ZNF28: variants seen among roughly 807,000 people sequenced by gnomAD.
ZNF28 encodes the protein zinc finger protein 28.
ZNF28 carries 5 observed loss-of-function variants against 7.2 expected under a neutral mutation model. The observed-to-expected ratio is 0.70, with a 90% CI of 0.36 to 1.46. The LOEUF (loss-of-function observed/expected upper bound fraction) is 1.46. Ranked by LOEUF, ZNF28 falls within the 40% of genes most tolerant of loss-of-function variation. The pLI, the probability that ZNF28 is intolerant of heterozygous loss-of-function variation, is 0.03. For synonymous variants in ZNF28, 288 were observed against 292.4 expected (o/e 0.99, Z 0.15); for missense variants, 879 against 866.6 (o/e 1.01, Z -0.18).
chr19:52,812,243 C>T lies in ZNF28; in HGVS notation c.16-4110G>A, dbSNP rs987998195. Among the ~76,000 whole-genome samples the T allele has an allele frequency of 1.5e-4, 21 of 138,148 alleles. 4 individuals are homozygous for T. Among genetic ancestry groups the T allele is most frequent in the East Asian group, 1.4e-3 (7 of 4,846 alleles). 90.6% of individuals were successfully genotyped at this position (138,148 alleles called of 152,430 possible). A position where few individuals can be genotyped will look rare whatever the true frequency, so the allele number is the denominator to read the frequency against. Reference sequence around the variant, plus strand: ...GGAAGTGAGGAGCCCCTCTGCCCGGCCACGACCCCGTCTGGGAGGTGTGCC... The same window carrying T: ...GGAAGTGAGGAGCCCCTCTGCCCGGTCACGACCCCGTCTGGGAGGTGTGCC... On this transcript the variant is annotated intron_variant, in intron 2 of 3. Coordinates refer to ENST00000457749, the MANE Select transcript of ZNF28 (RefSeq NM_006969.5).
chr19:52,821,479 C>A (rs145952654), intron 1 of ZNF28, 107 bp downstream of exon 1: 1 of 152,292 alleles, frequency 6.6e-6, no homozygotes, highest in East Asian at 1.9e-4. Flanking sequence ...TCTGAGTGAA[C>A]GAAGAAAGGG....
In ZNF28 at chr19:52,820,674, G is replaced by A. The variant is rs192317519; in HGVS notation, c.-74+912C>T. On this transcript the variant is annotated intron_variant, in intron 1 of 3. Transcript: ENST00000457749. ...CCCTCCTCCTCTCCCTCACTCTGAT[G>A]AGCCTCCACATTTCTGCCCCTCTCC... is the stretch of plus-strand genomic sequence containing the variant. 4.3e-3 allele frequency among the ~76,000 whole-genome samples: 654 copies of A among 152,184 alleles called. 5 individuals are homozygous for A. Among genetic ancestry groups the A allele is most frequent in the African/African-American group, 0.015 (639 of 41,478 alleles).
At chr19:52,806,447 GC>G (rs1196159019) in intron 3 of ZNF28, among the ~76,000 whole-genome samples, 1 of 152,014 alleles carries the variant, frequency 6.6e-6, no homozygotes, top group Non-Finnish European at 1.5e-5. Context: ...GCCCATCTCA[GC>G]CTCTCAAAGT....
At chr19:52,809,958 G>T in intron 2 of ZNF28, 1 of 817,154 alleles carries the variant, frequency 1.2e-6, no homozygotes, top group Non-Finnish European at 2.1e-6. Flanking sequence ...GGGCGCAGGG[G>T]ACGATGGGAA....
At chr19:52,809,930 C>T (rs1280985091) in intron 2 of ZNF28, 7 of 862,098 alleles carry the variant, frequency 8.1e-6, no homozygotes, top group Admixed American at 2.0e-5. Context: ...GTGGGGAGGC[C>T]GGGGAGGTTG....
chr19:52,809,030 G>A (rs1188790113), intron 2 of ZNF28, among the ~76,000 whole-genome samples: 1 of 152,150 alleles, frequency 6.6e-6, no homozygotes, highest in Non-Finnish European at 1.5e-5. Flanking sequence ...GTGTGCATGT[G>A]TGTGGGGATA....
At chr19:52,806,889 G>A (rs977715733) in intron 3 of ZNF28, among the ~76,000 whole-genome samples, 1 of 152,120 alleles carries the variant, frequency 6.6e-6, no homozygotes. Context: ...GCAACAGAGT[G>A]AGACTCTGTC....
intron 2 of ZNF28, among the ~76,000 whole-genome samples, chr19:52,811,015 G>T (rs943628867): frequency 7.0e-6 from 1 of 142,276 alleles, no homozygotes; most frequent in African/African-American, 2.5e-5. Flanking sequence ...TCAGCCTGCC[G>T]AGTGCCTGCG....
At chr19:52,820,304 A>G (rs990144351) in intron 1 of ZNF28, among the ~76,000 whole-genome samples, 1 of 133,176 alleles carries the variant, frequency 7.5e-6, no homozygotes, top group Non-Finnish European at 1.5e-5. Context: ...TTTTTAGTAG[A>G]GACGGGGTTT....
chr19:52,816,918 GTACTCTCCAA>G (rs1386797617), intron 2 of ZNF28, among the ~76,000 whole-genome samples: 14 of 150,914 alleles, frequency 9.3e-5, no homozygotes, highest in Non-Finnish European at 1.8e-4. Flanking sequence ...TAAAAAAGCA[GTACTCTCCAA>G]TATTAGAGAA....
At chr19:52,821,450 G>A (rs1223171909) in intron 1 of ZNF28, 136 bp downstream of exon 1, 5 of 152,290 alleles carry the variant, frequency 3.3e-5, no homozygotes, top group African/African-American at 1.2e-4. Flanking sequence ...CGGACTCCCA[G>A]TAGAACATCT....
chr19:52,808,995 T>C (rs2062975347), intron 2 of ZNF28, among the ~76,000 whole-genome samples: 1 of 152,206 alleles, frequency 6.6e-6, no homozygotes, highest in Non-Finnish European at 1.5e-5. Flanking sequence ...CAGATGTGTG[T>C]ATATATGTAT....
At chr19:52,809,546 G>A (rs538115623) in intron 2 of ZNF28, among the ~76,000 whole-genome samples, 2 of 152,154 alleles carry the variant, frequency 1.3e-5, no homozygotes, top group Non-Finnish European at 2.9e-5. Flanking sequence ...GGTGGCTCAC[G>A]CCTGTAATCC....
At position 52,799,492 on chromosome 19, in the gene ZNF28, TAA is replaced by T; in HGVS notation, c.*194_*195del. On this transcript the variant is annotated 3_prime_UTR_variant, in exon 4 of 4. Transcript: ENST00000457749. ...TGACGTGCAAGGGTTGTTTTTTGAT[TAA>T]AAACCTTGCCACATTCATTACACTT... 9.4e-7 allele frequency: 1 copy of T among 1,066,958 alleles called. No individual in the cohort carries two copies. The highest frequency in any genetic ancestry group is 1.4e-6 in the Non-Finnish European group (1 of 706,352). The allele number at this position is 1,066,958 out of a possible 1,614,324, so 66.1% of individuals were successfully genotyped here. A position where few individuals can be genotyped will look rare whatever the true frequency, so the allele number is the denominator to read the frequency against.
At chr19:52,802,784 G>A (rs1339783442) in intron 3 of ZNF28, among the ~76,000 whole-genome samples, 8 of 129,676 alleles carry the variant, frequency 6.2e-5, no homozygotes, top group Non-Finnish European at 8.1e-5. Context: ...TTTTTGCGAC[G>A]AAATCTTGCT....
At position 52,818,866 on chromosome 19, in the gene ZNF28, A is replaced by C. The variant is rs1282192203; in HGVS notation, c.-73-835T>G. Among the ~76,000 whole-genome samples, 7 of 134,220 alleles carry C rather than the reference A, an allele frequency of 5.2e-5. 1 individual carries two copies. Among genetic ancestry groups the C allele is most frequent in the Admixed American group, 1.5e-4 (2 of 12,986 alleles). 88.1% of individuals were successfully genotyped at this position (134,220 alleles called of 152,430 possible). On this transcript the variant is annotated intron_variant, in intron 1 of 3. Transcript: ENST00000457749. ...AGACTGCACTCATAGCCTGGAGGACAGAATGAGAGTCTGTTTGGGAAAAAA... is the reference window on the plus strand; with the variant it reads ...AGACTGCACTCATAGCCTGGAGGACCGAATGAGAGTCTGTTTGGGAAAAAA...
chr19:52,820,049 C>T (rs888392427), intron 1 of ZNF28, among the ~76,000 whole-genome samples: 14 of 144,286 alleles, frequency 9.7e-5, no homozygotes, highest in Admixed American at 2.1e-4. Flanking sequence ...TGGTGAAACC[C>T]TATCTCTACT....
At chr19:52,810,070 G>T (rs1321138326) in intron 2 of ZNF28, 4 of 751,098 alleles carry the variant, frequency 5.3e-6, no homozygotes, top group African/African-American at 5.2e-5. Flanking sequence ...GGAGCTCCAG[G>T]ACCTGGGCCT....
At chr19:52,813,255 A>AAAAAAAAAAG (rs2063077591) in intron 2 of ZNF28, among the ~76,000 whole-genome samples, 1 of 145,324 alleles carries the variant, frequency 6.9e-6, no homozygotes, top group Non-Finnish European at 1.5e-5. Context: ...TGGTGAAAAA[A>AAAAAAAAAAG]AAAAAAAAAA....
Sources: allele counts gnomAD v4.1 joint callset (sites outside exome capture counted in the v4.1 genomes callset), GRCh38; gene constraint gnomAD v4.1.1; transcripts MANE v1.5; gene names NCBI Gene and HGNC (gene_info 2026-07-23, HGNC 2026-07-21).